SMYD3: variants seen among roughly 807,000 people sequenced by gnomAD.
SMYD3 encodes the protein SET and MYND domain containing 3.
In SMYD3, 36 loss-of-function variants were observed where a neutral mutation model predicts 57.7. The ratio of observed to expected loss-of-function variants is 0.62; its 90% confidence interval spans 0.48 to 0.82. The LOEUF (loss-of-function observed/expected upper bound fraction) is 0.82, where lower values mean the gene tolerates loss of function less well. Ranked by LOEUF, SMYD3 falls within the 40% of genes least tolerant of loss-of-function variation. The probability of loss-of-function intolerance (pLI) is 0.00; values close to 1 mark genes in which losing one functional copy is unlikely to be tolerated. For synonymous variants in SMYD3, 211 were observed against 195.0 expected (o/e 1.08, Z -0.68); for missense variants, 515 against 538.8 (o/e 0.96, Z 0.44).
At chr1:245,963,261 A>G (rs1237819525) in intron 5 of SMYD3, among the ~76,000 whole-genome samples, 2 of 152,190 alleles carry the variant, frequency 1.3e-5, no homozygotes, top group Non-Finnish European at 2.9e-5. Context: ...ACACAACTAT[A>G]ATTTCTCAAT....
chr1:246,491,268 T>A (rs994583769), intron 1 of SMYD3, among the ~76,000 whole-genome samples: 2 of 152,172 alleles, frequency 1.3e-5, no homozygotes, highest in Non-Finnish European at 2.9e-5. Flanking sequence ...CCGGGCGCGG[T>A]GGATCACGCC....
At chr1:246,004,737 G>C (rs4654076) in intron 5 of SMYD3, among the ~76,000 whole-genome samples, 66,796 of 152,188 alleles carry the variant, frequency 0.44, 17,879 homozygotes, top group Non-Finnish European at 0.61. Flanking sequence ...GCCAGACAGA[G>C]GGTGGTCTGG....
intron 1 of SMYD3, among the ~76,000 whole-genome samples, chr1:246,373,104 TAA>T (rs897558607): frequency 4.2e-4 from 64 of 152,040 alleles, no homozygotes; most frequent in African/African-American, 1.5e-3. Context: ...TTCAATGTAT[TAA>T]AAAAAAGACT....
intron 1 of SMYD3, among the ~76,000 whole-genome samples, chr1:246,413,166 CTCATTTAGTCTTT>C (rs1308525943): frequency 6.6e-6 from 1 of 152,152 alleles, no homozygotes; most frequent in African/African-American, 2.4e-5. Flanking sequence ...TGCTAAGTAT[CTCATTTAGTCTTT>C]ATAATAACCC....
At chr1:246,237,280 A>G (rs1283395302) in intron 5 of SMYD3, among the ~76,000 whole-genome samples, 1 of 152,156 alleles carries the variant, frequency 6.6e-6, no homozygotes, top group African/African-American at 2.4e-5. Flanking sequence ...TTCTCAACTG[A>G]TACCTTCCCT....
intron 10 of SMYD3, among the ~76,000 whole-genome samples, chr1:245,845,771 T>C (rs1379337209): frequency 1.3e-5 from 2 of 152,248 alleles, no homozygotes; most frequent in Non-Finnish European, 1.5e-5. Flanking sequence ...AGTCTTTTTA[T>C]TGGATTCTCT....
chr1:246,371,430 T>A (rs1222931057), intron 1 of SMYD3, among the ~76,000 whole-genome samples: 1 of 152,202 alleles, frequency 6.6e-6, no homozygotes, highest in African/African-American at 2.4e-5. Flanking sequence ...ACAACTCTGA[T>A]CATCTAAGAG....
At position 245,986,841 on chromosome 1, in the gene SMYD3, C is replaced by T. The variant is rs572464113; in HGVS notation, c.532-56904G>A. On this transcript the variant is annotated intron_variant, in intron 5 of 11. Transcript: ENST00000490107. ...TTCAAGTAGTTAAAATCGTGCCTTA[C>T]AAGTATTTTTAAAGAAAACTGGTAT... Among the ~76,000 whole-genome samples the T allele has an allele frequency of 2.6e-5, 4 of 152,274 alleles. 1 individual carries two copies. The highest frequency in any genetic ancestry group is 9.6e-5 in the African/African-American group (4 of 41,542).
intron 10 of SMYD3, among the ~76,000 whole-genome samples, chr1:245,788,221 A>T (rs1022760358): frequency 6.6e-6 from 1 of 152,140 alleles, no homozygotes; most frequent in African/African-American, 2.4e-5. Context: ...CACAGGGAAC[A>T]GGGCAAGGAG....
chr1:246,428,623 A>T (rs1374517421), intron 1 of SMYD3, among the ~76,000 whole-genome samples: 1 of 152,234 alleles, frequency 6.6e-6, no homozygotes, highest in Non-Finnish European at 1.5e-5. Flanking sequence ...ACAGTTAGTG[A>T]GTAGCAGAGC....
intron 8 of SMYD3, among the ~76,000 whole-genome samples, chr1:245,892,889 T>C (rs377023100): frequency 6.6e-6 from 1 of 152,116 alleles, no homozygotes; most frequent in African/African-American, 2.4e-5. Flanking sequence ...ACTAAACTAT[T>C]TCAAAATTTA....
chr1:246,057,285 T>C (rs985001656), intron 5 of SMYD3, among the ~76,000 whole-genome samples: 3 of 152,230 alleles, frequency 2.0e-5, no homozygotes, highest in African/African-American at 7.2e-5. Context: ...AGCTATGGTC[T>C]ATCTGTAATA....
At chr1:246,020,572 A>C (rs1374826998) in intron 5 of SMYD3, among the ~76,000 whole-genome samples, 1 of 152,212 alleles carries the variant, frequency 6.6e-6, no homozygotes, top group Middle Eastern at 3.2e-3. Context: ...CAAAATAATA[A>C]TTATGATGAA....
intron 1 of SMYD3, among the ~76,000 whole-genome samples, chr1:246,387,048 T>C (rs1181279063): frequency 1.3e-5 from 2 of 152,118 alleles, no homozygotes. Context: ...AGATAGAGAA[T>C]ACAGCAAGCA....
intron 5 of SMYD3, among the ~76,000 whole-genome samples, chr1:246,056,045 A>G (rs1304964693): frequency 6.6e-6 from 1 of 152,230 alleles, no homozygotes; most frequent in African/African-American, 2.4e-5. Context: ...ATAAGGAAAT[A>G]GTAAAGAAAA....
intron 1 of SMYD3, among the ~76,000 whole-genome samples, chr1:246,398,395 G>C (rs987245065): frequency 2.0e-5 from 3 of 152,364 alleles, no homozygotes; most frequent in Non-Finnish European, 4.4e-5. Context: ...GAGCTTAGAA[G>C]GCGGAGTCAG....
chr1:246,347,596 C>T (rs764646275), intron 2 of SMYD3, among the ~76,000 whole-genome samples: 6 of 152,108 alleles, frequency 3.9e-5, no homozygotes, highest in Non-Finnish European at 4.4e-5. Context: ...ACTTTAATTA[C>T]CATTATATCA....
chr1:246,449,837 T>C (rs2067604965), intron 1 of SMYD3, among the ~76,000 whole-genome samples: 1 of 152,144 alleles, frequency 6.6e-6, no homozygotes, highest in Non-Finnish European at 1.5e-5. Flanking sequence ...CCTGCTGACG[T>C]TAGGTGTGGA....
chr1:246,254,893 GCAA>G (rs1267255746), intron 5 of SMYD3, among the ~76,000 whole-genome samples: 3 of 152,114 alleles, frequency 2.0e-5, no homozygotes, highest in Non-Finnish European at 2.9e-5. Flanking sequence ...TATCTCTACT[GCAA>G]ATGAGACTGG....
Sources: allele counts gnomAD v4.1 joint callset (sites outside exome capture counted in the v4.1 genomes callset), GRCh38; gene constraint gnomAD v4.1.1; transcripts MANE v1.5; gene names NCBI Gene and HGNC (gene_info 2026-07-23, HGNC 2026-07-21).